KCNF1: variants seen among roughly 807,000 people sequenced by gnomAD.
The protein encoded by KCNF1 is voltage-gated potassium channel regulatory subunit KCNF1.
A neutral mutation model predicts 28.6 loss-of-function variants in KCNF1; 9 were observed. The ratio of observed to expected loss-of-function variants is 0.31; its 90% CI spans 0.19 to 0.55. The LOEUF (loss-of-function observed/expected upper bound fraction) is 0.55, where lower values mean the gene tolerates loss of function less well. Ranked by LOEUF, KCNF1 falls within the 20% of genes least tolerant of loss-of-function variation. The probability of loss-of-function intolerance (pLI) is 0.93; values close to 1 mark genes in which losing one functional copy is unlikely to be tolerated. For synonymous variants in KCNF1, 328 were observed against 299.6 expected (o/e 1.09, Z -0.98); for missense variants, 461 against 684.2 (o/e 0.67, Z 3.64).
chr2:10,913,810 C>A lies in KCNF1; in HGVS notation c.1384C>A (p.Pro462Thr), dbSNP rs1258208383. The A allele has an allele frequency of 6.3e-7, 1 of 1,576,778 alleles. No individual in the cohort carries two copies. Among genetic ancestry groups the A allele is most frequent in the Non-Finnish European group, 8.6e-7 (1 of 1,161,038 alleles). ...LPPEPAGKEAPSCSSRLKLSH... is the reference protein window; with the variant it reads ...LPPEPAGKEATSCSSRLKLSH... ...TCCAGAGCCTGCGGGGAAGGAGGCGCCGAGCTGCAGCAGCCGGCTGAAGCT... is the reference window on the plus strand; with the variant it reads ...TCCAGAGCCTGCGGGGAAGGAGGCGACGAGCTGCAGCAGCCGGCTGAAGCT... Residue 462 changes from proline (P) to threonine (T), a missense_variant, in exon 1 of 1, where the codon CCG (proline) becomes ACG (threonine). By Grantham distance (38) the Pro-to-Thr change is conservative. Coordinates refer to ENST00000295082, the MANE Select transcript of KCNF1 (RefSeq NM_002236.5). This position sits in a 1 kb window ranked among gnomAD's most constrained non-coding sequence, Gnocchi z 5.5.
rs773536391 is a variant in KCNF1, at chr2:10,912,898, G to C, written c.472G>C (p.Glu158Gln). Reference sequence around the variant, plus strand: ...GGACGACCTGGGCGTGGACGCAGCCGAGGGCCGCTGGCGCCGCTGCCAGAA... The same window carrying C: ...GGACGACCTGGGCGTGGACGCAGCCCAGGGCCGCTGGCGCCGCTGCCAGAA... ...ILDDLGVDAAEGRWRRCQKCV... is the reference protein window; with the variant it reads ...ILDDLGVDAAQGRWRRCQKCV... The change falls in exon 1 of 1, where the codon GAG becomes CAG. Residue 158 changes from glutamate (E) to glutamine (Q), a missense_variant. This residue lies in a region of KCNF1 where 193 missense variants were observed against 280.6 expected (regional missense o/e 0.69). Coordinates refer to ENST00000295082, the MANE Select transcript of KCNF1 (RefSeq NM_002236.5). This position sits in a 1 kb window ranked among gnomAD's most constrained non-coding sequence, Gnocchi z 7.9. 6 of 1,611,406 alleles carry C rather than the reference G, an allele frequency of 3.7e-6. No individual in the cohort carries two copies. The highest frequency in any genetic ancestry group is 1.7e-4 in the Middle Eastern group (1 of 6,060).
At position 10,912,849 on chromosome 2, in the gene KCNF1, C is replaced by T. The variant is rs763139502; in HGVS notation, c.423C>T (p.Ile141=). 1 of 1,613,722 alleles carries T rather than the reference C, an allele frequency of 6.2e-7. No homozygotes were observed. Among genetic ancestry groups the T allele is most frequent in the Admixed American group, 1.7e-5 (1 of 60,024 alleles). ...LSEKREELEE[I]ARRVQLILDD... is the part of the protein sequence containing the mutation. ...AGAAGCGCGAGGAGCTGGAGGAGAT[C>T]GCGCGCCGCGTGCAGCTCATCCTGG... The change falls in exon 1 of 1, where the codon ATC becomes ATT. Residue 141 remains isoleucine, a synonymous_variant. Transcript: ENST00000295082. This position sits in a 1 kb window ranked among gnomAD's most constrained non-coding sequence, Gnocchi z 7.9.
Position 10,912,399 on chromosome 2 carries a change from G to C in KCNF1, c.-28G>C. Reference sequence around the variant, plus strand: ...GCGGCGGCTGCAGGGGGCGCGGGGCGGAGGCTGCGAGGGCGCGCGCGGGGA... The same window carrying C: ...GCGGCGGCTGCAGGGGGCGCGGGGCCGAGGCTGCGAGGGCGCGCGCGGGGA... On this transcript the variant is annotated 5_prime_UTR_variant, in exon 1 of 1. Transcript: ENST00000295082. The surrounding 1 kb of genome is among the most constrained non-coding windows in gnomAD (Gnocchi z 7.9). The C allele has an allele frequency of 2.4e-6, 3 of 1,243,286 alleles. No homozygotes were observed. The highest frequency in any genetic ancestry group is 3.2e-5 in the East Asian group (1 of 31,714). 77.0% of individuals were successfully genotyped at this position (1,243,286 alleles called of 1,614,324 possible). A position where few individuals can be genotyped will look rare whatever the true frequency, so the allele number is the denominator to read the frequency against.
rs1295637092 is a variant in KCNF1 at position 10,913,750 on chromosome 2, A to G, written c.1324A>G (p.Thr442Ala). The G allele has an allele frequency of 6.2e-7, 1 of 1,612,756 alleles. No individual in the cohort carries two copies. The highest frequency in any genetic ancestry group is 8.5e-7 in the Non-Finnish European group (1 of 1,179,504). The change falls in exon 1 of 1, where the codon ACC becomes GCC. Residue 442 changes from threonine to alanine, a missense_variant. Thr to Ala is a moderately conservative substitution (Grantham distance 58). Transcript: ENST00000295082. The surrounding 1 kb of genome is among the most constrained non-coding windows in gnomAD (Gnocchi z 5.5). ...LNSSSGGEGKTGGSRSDLDNL... is the reference protein window; with the variant it reads ...LNSSSGGEGKAGGSRSDLDNL... ...CTCCAGCAGCGGGGGCGAGGGCAAG[A>G]CCGGGGGCTCCCGCAGTGACCTGGA...
chr2:10,912,436 T>C lies in KCNF1; in HGVS notation c.10T>C (p.Ser4Pro). The C allele has an allele frequency of 7.1e-7, 1 of 1,415,078 alleles. No homozygotes were observed. The allele number at this position is 1,415,078 out of a possible 1,614,324, so 87.7% of individuals were successfully genotyped here. A position where few individuals can be genotyped will look rare whatever the true frequency, so the allele number is the denominator to read the frequency against. ...GGCGCGCGCGGGGAGGATGGACGGG[T>C]CCGGGGAGCGCAGCCTCCCGGAGCC... MDG[S>P]GERSLPEPGS... The change falls in exon 1 of 1, where the codon TCC becomes CCC. Residue 4 changes from serine to proline, a missense_variant. Ser to Pro is a moderately conservative substitution (Grantham distance 74). Around this residue, in one of 4 missense-constraint regions of KCNF1, gnomAD observed 52 missense variants for 39.8 expected, o/e 1.31. Coordinates refer to ENST00000295082, the MANE Select transcript of KCNF1 (RefSeq NM_002236.5). The surrounding 1 kb of genome is among the most constrained non-coding windows in gnomAD (Gnocchi z 7.9).
chr2:10,913,486 T>A lies in KCNF1; in HGVS notation c.1060T>A (p.Phe354Ile), dbSNP rs1395651423. ...TMEQSHPETL[F>I]KSIPQSFWWA... is the part of the protein sequence containing the mutation. The stretch of plus-strand genomic sequence containing the variant: ...GGAGCAGAGCCATCCAGAGACCCTG[T>A]TTAAGAGCATCCCCCAGTCCTTCTG... The change falls in exon 1 of 1, where the codon TTT becomes ATT. Residue 354 changes from phenylalanine (F) to isoleucine (I), a missense_variant. This residue lies in a region of KCNF1 where 115 missense variants were observed against 261.6 expected (regional missense o/e 0.44). Transcript: ENST00000295082. This position sits in a 1 kb window ranked among gnomAD's most constrained non-coding sequence, Gnocchi z 5.5. 6.2e-7 allele frequency: 1 copy of A among 1,614,144 alleles called. No individual in the cohort carries two copies. The highest frequency in any genetic ancestry group is 1.7e-5 in the Admixed American group (1 of 60,032).
rs916566501 is a variant in KCNF1 at position 10,914,181 on chromosome 2, C to A, written c.*270C>A. 1.5e-5 allele frequency: 6 copies of A among 408,444 alleles called. No homozygotes were observed. The highest frequency in any genetic ancestry group is 2.2e-5 in the Non-Finnish European group (5 of 222,326). 25.3% of individuals were successfully genotyped at this position (408,444 alleles called of 1,614,324 possible). On this transcript the variant is annotated 3_prime_UTR_variant, in exon 1 of 1. Transcript: ENST00000295082. Reference sequence around the variant, plus strand: ...GCGGCCTGGCTGGCACGAGAGCCCACGCCCGCTTCTGTATCTCCCTCAATA... The same window carrying A: ...GCGGCCTGGCTGGCACGAGAGCCCAAGCCCGCTTCTGTATCTCCCTCAATA...
chr2:10,912,352 C>G lies in KCNF1; in HGVS notation c.-75C>G. On this transcript the variant is annotated 5_prime_UTR_variant, in exon 1 of 1. Coordinates refer to ENST00000295082, the MANE Select transcript of KCNF1 (RefSeq NM_002236.5). This position sits in a 1 kb window ranked among gnomAD's most constrained non-coding sequence, Gnocchi z 7.9. ...AGATCAGCGCACGGGTGGCACCCGCCGGACCCCCAGCGGCAGCGGCGGCGG... is the reference window on the plus strand; with the variant it reads ...AGATCAGCGCACGGGTGGCACCCGCGGGACCCCCAGCGGCAGCGGCGGCGG... 8.7e-7 allele frequency: 1 copy of G among 1,146,760 alleles called. No individual in the cohort carries two copies. Among genetic ancestry groups the G allele is most frequent in the East Asian group, 3.5e-5 (1 of 28,330 alleles). 71.0% of individuals were successfully genotyped at this position (1,146,760 alleles called of 1,614,324 possible). A position where few individuals can be genotyped will look rare whatever the true frequency, so the allele number is the denominator to read the frequency against.
rs1661567990 is a variant in KCNF1 at position 10,913,154 on chromosome 2, C to T, written c.728C>T (p.Ser243Leu). ...FTLEYLLRLF[S>L]SPNKLHFALS... ...CTGGAGTACCTGCTGCGCCTCTTCTCGTCACCCAACAAGCTGCACTTCGCG... is the reference window on the plus strand; with the variant it reads ...CTGGAGTACCTGCTGCGCCTCTTCTTGTCACCCAACAAGCTGCACTTCGCG... Residue 243 changes from serine to leucine, a missense_variant, in exon 1 of 1, where the codon TCG becomes TTG. Physicochemically the swap from Ser to Leu is moderately radical, Grantham distance 145. Coordinates refer to ENST00000295082, the MANE Select transcript of KCNF1 (RefSeq NM_002236.5). The surrounding 1 kb of genome is among the most constrained non-coding windows in gnomAD (Gnocchi z 5.5). 2 of 1,613,126 alleles carry T rather than the reference C, an allele frequency of 1.2e-6. No homozygotes were observed. Among genetic ancestry groups the T allele is most frequent in the Non-Finnish European group, 1.7e-6 (2 of 1,180,028 alleles).
chr2:10,912,970 C>T lies in KCNF1; in HGVS notation c.544C>T (p.Arg182Trp). The T allele has an allele frequency of 2.5e-6, 4 of 1,603,552 alleles. No individual in the cohort carries two copies. Among genetic ancestry groups the T allele is most frequent in the Non-Finnish European group, 2.5e-6 (3 of 1,179,798 alleles). ...LEKPESSCPA[R>W]VVAVLSFLLI... ...GAAGCCCGAGTCGTCGTGCCCGGCGCGGGTGGTGGCCGTGCTCTCCTTCCT... is the reference window on the plus strand; with the variant it reads ...GAAGCCCGAGTCGTCGTGCCCGGCGTGGGTGGTGGCCGTGCTCTCCTTCCT... The change falls in exon 1 of 1, where the codon CGG (arginine) becomes TGG (tryptophan). Residue 182 changes from arginine (R) to tryptophan (W), a missense_variant. Physicochemically the swap from Arg to Trp is moderately radical, Grantham distance 101 (BLOSUM62 -3). This residue lies in a region of KCNF1 where 193 missense variants were observed against 280.6 expected (regional missense o/e 0.69). Coordinates refer to ENST00000295082, the MANE Select transcript of KCNF1 (RefSeq NM_002236.5). The surrounding 1 kb of genome is among the most constrained non-coding windows in gnomAD (Gnocchi z 7.9).
Position 10,913,809 on chromosome 2 carries a change from G to C in KCNF1, c.1383G>C (p.Ala461=). The change falls in exon 1 of 1, where the codon GCG becomes GCC. Residue 461 remains alanine, a synonymous_variant. Transcript: ENST00000295082. The surrounding 1 kb of genome is among the most constrained non-coding windows in gnomAD (Gnocchi z 5.5). ...CTCCAGAGCCTGCGGGGAAGGAGGCGCCGAGCTGCAGCAGCCGGCTGAAGC... is the reference window on the plus strand; with the variant it reads ...CTCCAGAGCCTGCGGGGAAGGAGGCCCCGAGCTGCAGCAGCCGGCTGAAGC... ...NLPPEPAGKE[A]PSCSSRLKLS... 1.3e-6 allele frequency: 2 copies of C among 1,575,866 alleles called. No individual in the cohort carries two copies. Among genetic ancestry groups the C allele is most frequent in the Non-Finnish European group, 1.7e-6 (2 of 1,160,388 alleles).
rs200755867 is a variant in KCNF1, at chr2:10,913,587, G to A, written c.1161G>A (p.Ala387=). 10 of 1,613,436 alleles carry A rather than the reference G, an allele frequency of 6.2e-6. No individual in the cohort carries two copies. The highest frequency in any genetic ancestry group is 2.7e-5 in the African/African-American group (2 of 75,048). The change falls in exon 1 of 1, where the codon GCG becomes GCA. Residue 387 remains alanine (A), a synonymous_variant. Coordinates refer to ENST00000295082, the MANE Select transcript of KCNF1 (RefSeq NM_002236.5). This position sits in a 1 kb window ranked among gnomAD's most constrained non-coding sequence, Gnocchi z 5.5. The stretch of plus-strand genomic sequence containing the variant: ...AGACCACGCTGGGCAAGCTCAACGC[G>A]GCCATCAGCTTCTTGTGTGGTGTCA... ...YPKTTLGKLN[A]AISFLCGVIA... is the part of the protein sequence containing the mutation.
In KCNF1 at chr2:10,913,999, T is replaced by A; in HGVS notation, c.*88T>A. The A allele has an allele frequency of 2.1e-6, 3 of 1,428,506 alleles. No homozygotes were observed. Among genetic ancestry groups the A allele is most frequent in the Non-Finnish European group, 2.8e-6 (3 of 1,069,540 alleles). The allele number at this position is 1,428,506 out of a possible 1,614,324, so 88.5% of individuals were successfully genotyped here. A position where few individuals can be genotyped will look rare whatever the true frequency, so the allele number is the denominator to read the frequency against. ...TGTCATCGACAGCACAGAAGGGCTG[T>A]CCTGTGTCCCCCCAACCCTCCCCTG... On this transcript the variant is annotated 3_prime_UTR_variant, in exon 1 of 1. Transcript: ENST00000295082. This position sits in a 1 kb window ranked among gnomAD's most constrained non-coding sequence, Gnocchi z 5.5.
At position 10,913,476 on chromosome 2, in the gene KCNF1, A is replaced by G; in HGVS notation, c.1050A>G (p.Pro350=). 6.2e-7 allele frequency: 1 copy of G among 1,614,170 alleles called. No homozygotes were observed. Among genetic ancestry groups the G allele is most frequent in the Non-Finnish European group, 8.5e-7 (1 of 1,180,034 alleles). ...ALGYTMEQSH[P]ETLFKSIPQS... ...GCTACACCATGGAGCAGAGCCATCC[A>G]GAGACCCTGTTTAAGAGCATCCCCC... Residue 350 remains proline (P), a synonymous_variant, in exon 1 of 1, where the codon CCA becomes CCG. Coordinates refer to ENST00000295082, the MANE Select transcript of KCNF1 (RefSeq NM_002236.5). This position sits in a 1 kb window ranked among gnomAD's most constrained non-coding sequence, Gnocchi z 5.5.
Position 10,913,252 on chromosome 2 carries a change from G to A in KCNF1, c.826G>A (p.Gly276Ser). 6.2e-7 allele frequency: 1 copy of A among 1,613,502 alleles called. No homozygotes were observed. The highest frequency in any genetic ancestry group is 8.5e-7 in the Non-Finnish European group (1 of 1,180,020). Residue 276 changes from glycine (G) to serine (S), a missense_variant, in exon 1 of 1, where the codon GGT becomes AGT. Physicochemically the swap from Gly to Ser is moderately conservative, Grantham distance 56. This residue lies in a region of KCNF1 where 115 missense variants were observed against 261.6 expected (regional missense o/e 0.44). Coordinates refer to ENST00000295082, the MANE Select transcript of KCNF1 (RefSeq NM_002236.5). The surrounding 1 kb of genome is among the most constrained non-coding windows in gnomAD (Gnocchi z 5.5). ...FYVSLTLTHL[G>S]ARMMELTNVQ... is the part of the protein sequence containing the mutation. Reference sequence around the variant, plus strand: ...CGTGAGCCTCACGCTCACGCACCTGGGTGCCCGCATGATGGAGCTGACCAA... The same window carrying A: ...CGTGAGCCTCACGCTCACGCACCTGAGTGCCCGCATGATGGAGCTGACCAA...
rs377006729 is a variant in KCNF1 at position 10,913,740 on chromosome 2, C to A, written c.1314C>A (p.Gly438=). The change falls in exon 1 of 1, where the codon GGC becomes GGA. Residue 438 remains glycine (G), a synonymous_variant. Transcript: ENST00000295082. This position sits in a 1 kb window ranked among gnomAD's most constrained non-coding sequence, Gnocchi z 5.5. ...TGGAACTCAACTCCAGCAGCGGGGG[C>A]GAGGGCAAGACCGGGGGCTCCCGCA... The part of the protein sequence containing the change: ...ELMELNSSSG[G]EGKTGGSRSD... 1.2e-6 allele frequency: 2 copies of A among 1,613,124 alleles called. No individual in the cohort carries two copies. The highest frequency in any genetic ancestry group is 1.7e-6 in the Non-Finnish European group (2 of 1,179,672).
Position 10,914,171 on chromosome 2 carries a change from C to T in KCNF1, c.*260C>T, listed in dbSNP as rs917214997. The T allele has an allele frequency of 9.4e-6, 4 of 423,534 alleles. No homozygotes were observed. Among genetic ancestry groups the T allele is most frequent in the African/African-American group, 4.1e-5 (2 of 49,080 alleles). 26.2% of individuals were successfully genotyped at this position (423,534 alleles called of 1,614,324 possible). On this transcript the variant is annotated 3_prime_UTR_variant, in exon 1 of 1. Transcript: ENST00000295082. ...AGTGGAGGCCGCGGCCTGGCTGGCA[C>T]GAGAGCCCACGCCCGCTTCTGTATC... is the stretch of plus-strand genomic sequence containing the variant.
chr2:10,913,688 C>T lies in KCNF1; in HGVS notation c.1262C>T (p.Thr421Ile). ...TACAACAAGCAGCGCGTCCTGGAGACCGCGGCCAAGCACGAGCTGGAGCTG... is the reference window on the plus strand; with the variant it reads ...TACAACAAGCAGCGCGTCCTGGAGATCGCGGCCAAGCACGAGCTGGAGCTG... ...RYYNKQRVLE[T>I]AAKHELELME... The change falls in exon 1 of 1, where the codon ACC (threonine) becomes ATC (isoleucine). Residue 421 changes from threonine to isoleucine, a missense_variant. By Grantham distance (89) the Thr-to-Ile change is moderately conservative. Around this residue, in one of 4 missense-constraint regions of KCNF1, gnomAD observed 101 missense variants for 102.2 expected, o/e 0.99. Transcript: ENST00000295082. This position sits in a 1 kb window ranked among gnomAD's most constrained non-coding sequence, Gnocchi z 5.5. The T allele has an allele frequency of 6.2e-7, 1 of 1,613,968 alleles. No individual in the cohort carries two copies. The highest frequency in any genetic ancestry group is 8.5e-7 in the Non-Finnish European group (1 of 1,180,038).
chr2:10,912,307 C>T lies in KCNF1; in HGVS notation c.-120C>T, dbSNP rs1241062427. On this transcript the variant is annotated 5_prime_UTR_variant, in exon 1 of 1. Transcript: ENST00000295082. The surrounding 1 kb of genome is among the most constrained non-coding windows in gnomAD (Gnocchi z 7.9). ...GTGACCGCCCTTCCCCGCAGGCGGGCGCCGGCCAGGCTCTCCCCGAGATCA... is the reference window on the plus strand; with the variant it reads ...GTGACCGCCCTTCCCCGCAGGCGGGTGCCGGCCAGGCTCTCCCCGAGATCA... 1.3e-4 allele frequency: 104 copies of T among 774,132 alleles called. No homozygotes were observed. The highest frequency in any genetic ancestry group is 1.7e-4 in the Non-Finnish European group (102 of 591,240). 48.0% of individuals were successfully genotyped at this position (774,132 alleles called of 1,614,324 possible).
Sources: allele counts gnomAD v4.1 joint callset, GRCh38; gene constraint gnomAD v4.1.1; regional missense constraint gnomAD v4.1.1; non-coding constraint Gnocchi (gnomAD v3.1); transcripts MANE v1.5; gene names NCBI Gene and HGNC (gene_info 2026-07-23, HGNC 2026-07-21).